Variants in GAB1 observed in about 807,000 individuals in gnomAD.
The protein encoded by GAB1 is GRB2 associated binding protein 1, also known as GRB2-associated-binding protein 1.
GAB1 carries 19 observed loss-of-function variants against 66.5 expected under a neutral mutation model. The observed-to-expected ratio is 0.29, with a 90% CI of 0.20 to 0.42. GAB1 has a LOEUF of 0.42. Among genes scored for constraint, GAB1 ranks in the 10% least tolerant of loss-of-function variants. GAB1 has a pLI of 1.00. For synonymous variants in GAB1, 294 were observed against 301.4 expected (o/e 0.98, Z 0.25); for missense variants, 732 against 858.5 (o/e 0.85, Z 1.84).
At chr4:143,372,747 G>T (rs6828635) in intron 1 of GAB1, among the ~76,000 whole-genome samples, 10,757 of 152,162 alleles carry the variant, frequency 0.071, 566 homozygotes, top group African/African-American at 0.15. Context: ...TTGTTCAGGG[G>T]TATCCCCATG....
chr4:143,364,783 A>G (rs751722961), intron 1 of GAB1, among the ~76,000 whole-genome samples: 1 of 150,314 alleles, frequency 6.7e-6, no homozygotes, highest in Non-Finnish European at 1.5e-5. Flanking sequence ...ATGCCAGTCA[A>G]CTCTGGCCTG....
At chr4:143,424,017 A>C (rs11936966) in intron 2 of GAB1, among the ~76,000 whole-genome samples, 38,755 of 151,352 alleles carry the variant, frequency 0.26, 5,149 homozygotes, top group South Asian at 0.31. Flanking sequence ...TGTTAATAAA[A>C]CAAAGTCAGA....
intron 2 of GAB1, among the ~76,000 whole-genome samples, chr4:143,426,178 G>C (rs192866094): frequency 1.8e-4 from 27 of 152,258 alleles, no homozygotes; most frequent in African/African-American, 6.3e-4. Flanking sequence ...ATTCATCTAG[G>C]AGTGCTCAGA....
Position 143,474,376 on chromosome 4 carries a change from TTAAAA to T in GAB1, c.*5191_*5195del, listed in dbSNP as rs1578772996. ...TACAGTGATATAGGAAATTTAAAAA[TTAAAA>T]TAATACCCAAAACCCACTTTATCAG... On this transcript the variant is annotated 3_prime_UTR_variant, in exon 10 of 10. Coordinates refer to ENST00000262994, the MANE Select transcript of GAB1 (RefSeq NM_002039.4). 6.6e-6 allele frequency: 1 copy of T among 152,160 alleles called. No individual in the cohort carries two copies. Among genetic ancestry groups the T allele is most frequent in the East Asian group, 1.9e-4 (1 of 5,196 alleles). The allele number at this position is 152,160 out of a possible 1,614,324, so 9.4% of individuals were successfully genotyped here.
intron 1 of GAB1, among the ~76,000 whole-genome samples, chr4:143,352,617 A>C (rs1346656845): frequency 6.6e-6 from 1 of 152,148 alleles, no homozygotes; most frequent in African/African-American, 2.4e-5. Context: ...CCCTCCTTCT[A>C]ATGTTTTTAT....
At chr4:143,380,400 G>T (rs1730608688) in intron 1 of GAB1, among the ~76,000 whole-genome samples, 1 of 152,042 alleles carries the variant, frequency 6.6e-6, no homozygotes. Context: ...ATATATAATG[G>T]TTCATTTCTT....
At position 143,378,549 on chromosome 4, in the gene GAB1, A is replaced by G. The variant is rs1213208447; in HGVS notation, c.73-36928A>G. ...AAGGTCCTATTTCGCTCACAAATAC[A>G]ATAAATGCATGTTATTTTGACCTAC... is the stretch of plus-strand genomic sequence containing the variant. On this transcript the variant is annotated intron_variant, in intron 1 of 9. Transcript: ENST00000262994. Among the ~76,000 whole-genome samples the G allele has an allele frequency of 3.9e-5, 6 of 152,096 alleles. No individual in the cohort carries two copies. The East Asian group carries it at 1.2e-3, about 29-fold the overall frequency.
In GAB1 at chr4:143,438,341, A is replaced by G. The variant is rs770301527; in HGVS notation, c.936A>G (p.Thr312=). ...CTATTAGTTATGACATTCCTCCAACACCTGGTAATACTTATCAGATTCCAC... is the reference window on the plus strand; with the variant it reads ...CTATTAGTTATGACATTCCTCCAACGCCTGGTAATACTTATCAGATTCCAC... ...HVSISYDIPP[T]PGNTYQIPRT... Residue 312 remains threonine (T), a synonymous_variant, in exon 4 of 10, where the codon ACA becomes ACG. Coordinates refer to ENST00000262994, the MANE Select transcript of GAB1 (RefSeq NM_002039.4). 2.5e-6 allele frequency: 4 copies of G among 1,614,052 alleles called. No homozygotes were observed. The South Asian group carries it at 3.3e-5, about 13-fold the overall frequency.
At chr4:143,440,829 T>G (rs1734190039) in intron 6 of GAB1, among the ~76,000 whole-genome samples, 1 of 152,224 alleles carries the variant, frequency 6.6e-6, no homozygotes, top group Non-Finnish European at 1.5e-5. Context: ...TTTTTAAAGT[T>G]CTATCAACTA....
In GAB1 at chr4:143,470,158, A is replaced by G. The variant is rs763772139; in HGVS notation, c.*969A>G. ...GTTACAGCAACATACTGTGATTTTT[A>G]ATTAGATAGTAATTCAGATTTATTA... On this transcript the variant is annotated 3_prime_UTR_variant, in exon 10 of 10. Transcript: ENST00000262994. 1.2e-4 allele frequency: 19 copies of G among 152,174 alleles called. No individual in the cohort carries two copies. The highest frequency in any genetic ancestry group is 2.1e-4 in the Non-Finnish European group (14 of 68,038). The allele number at this position is 152,174 out of a possible 1,614,324, so 9.4% of individuals were successfully genotyped here.
chr4:143,459,511 T>C, intron 7 of GAB1, 33 bp downstream of exon 7: 1 of 1,074,158 alleles, frequency 9.3e-7, no homozygotes, highest in Non-Finnish European at 1.5e-6. Context: ...GTAGTTTGTA[T>C]GAATAATGTG....
At position 143,344,263 on chromosome 4, in the gene GAB1, G is replaced by A. The variant is rs138543435; in HGVS notation, c.72+7003G>A. On this transcript the variant is annotated intron_variant, in intron 1 of 9. Transcript: ENST00000262994. ...AGCCCAGCTGTGTGAGTGCCAGCTC[G>A]TGTTGGGGGGGAGAGAATAACACCA... is the stretch of plus-strand genomic sequence containing the variant. 2.6e-5 allele frequency among the ~76,000 whole-genome samples: 4 copies of A among 152,268 alleles called. No homozygotes were observed. In the East Asian group the frequency reaches 5.8e-4, roughly 22 times the overall value.
intron 2 of GAB1, among the ~76,000 whole-genome samples, chr4:143,432,447 G>A (rs1733706145): frequency 6.6e-6 from 1 of 152,074 alleles, no homozygotes; most frequent in African/African-American, 2.4e-5. Context: ...CACTTTGAGG[G>A]AAACAGAATT....
intron 2 of GAB1, among the ~76,000 whole-genome samples, chr4:143,418,163 A>AG (rs530718870): frequency 2.0e-5 from 3 of 152,236 alleles, no homozygotes; most frequent in Non-Finnish European, 4.4e-5. Context: ...GGAAGGGTCC[A>AG]GCTTAGCTGG....
intron 1 of GAB1, among the ~76,000 whole-genome samples, chr4:143,353,134 C>A (rs1034602160): frequency 1.1e-4 from 17 of 152,190 alleles, no homozygotes; most frequent in African/African-American, 3.9e-4. Flanking sequence ...GGAGGATTAG[C>A]TGTTCACCAG....
chr4:143,413,073 T>C (rs1484952145), intron 1 of GAB1, among the ~76,000 whole-genome samples: 1 of 152,126 alleles, frequency 6.6e-6, no homozygotes, highest in African/African-American at 2.4e-5. Context: ...TTTAGAAAGA[T>C]TTGCGTGCAA....
rs1733800865 is a variant in GAB1, at chr4:143,433,784, T to C, written c.593+68T>C. 1.1e-5 allele frequency: 14 copies of C among 1,275,790 alleles called. No homozygotes were observed. In the South Asian group the frequency reaches 1.6e-4, roughly 15 times the overall value. The allele number at this position is 1,275,790 out of a possible 1,614,324, so 79.0% of individuals were successfully genotyped here. ...GTATGTGTGTACACACTGAGATTCT[T>C]ACCTTTAAACTTTTTAAATTTCGAT... On this transcript the variant is annotated intron_variant, in intron 3 of 9. Transcript: ENST00000262994.
At chr4:143,448,488 A>G (rs1310630206) in intron 6 of GAB1, among the ~76,000 whole-genome samples, 2 of 151,848 alleles carry the variant, frequency 1.3e-5, no homozygotes, top group Non-Finnish European at 2.9e-5. Context: ...TGGTCTATTC[A>G]GAGATTCAAC....
chr4:143,466,839 T>G, intron 9 of GAB1, among the ~76,000 whole-genome samples: 1 of 152,130 alleles, frequency 6.6e-6, no homozygotes, highest in Admixed American at 6.6e-5. Context: ...TTTACTCTCC[T>G]TAAAATGCTC....
Sources: gnomAD v4.1 joint callset for allele counts (sites outside exome capture counted in the v4.1 genomes callset) on GRCh38, gnomAD v4.1.1 for gene constraint, MANE v1.5 for transcripts, NCBI Gene and HGNC (gene_info 2026-07-23, HGNC 2026-07-21) for gene names.